USH2A: variants seen among roughly 807,000 people sequenced by gnomAD.
USH2A encodes Usher syndrome 2A (autosomal recessive, mild).
USH2A carries 443 observed loss-of-function variants against 538.9 expected under a neutral mutation model. The ratio of observed to expected loss-of-function variants is 0.82; its 90% CI spans 0.76 to 0.89. The LOEUF (loss-of-function observed/expected upper bound fraction) is 0.89. Among genes scored for constraint, USH2A ranks in the 40% least tolerant of loss-of-function variants. The pLI, the probability that USH2A is intolerant of heterozygous loss-of-function variation, is 0.00. For missense variants in USH2A, 6,633 were observed against 6,324.8 expected (o/e 1.05, Z -1.65); for synonymous variants, 2,413 against 2,273.5 (o/e 1.06, Z -1.75).
At chr1:215,706,628 C>T (rs1659192425) in intron 61 of USH2A, among the ~76,000 whole-genome samples, 1 of 152,124 alleles carries the variant, frequency 6.6e-6, no homozygotes, top group African/African-American at 2.4e-5. Context: ...TGGTGGCACA[C>T]TTAAGCAGTT....
In USH2A at chr1:215,932,557, C is replaced by T. The variant is rs114337926; in HGVS notation, c.7300+2059G>A. 9.8e-3 allele frequency among the ~76,000 whole-genome samples: 1,496 copies of T among 152,108 alleles called. 20 individuals carry two copies. Among genetic ancestry groups the T allele is most frequent in the African/African-American group, 0.035 (1,442 of 41,542 alleles). ...TAAAAAAGATAATTTTAAAGCTATA[C>T]GTTTCCTAATTGTAATCAACAACAA... On this transcript the variant is annotated intron_variant, in intron 38 of 71. Coordinates refer to ENST00000307340, the MANE Select transcript of USH2A (RefSeq NM_206933.4).
chr1:215,995,456 A>T lies in USH2A; in HGVS notation c.6658-2289T>A, dbSNP rs1337358329. 2.0e-5 allele frequency among the ~76,000 whole-genome samples: 3 copies of T among 152,198 alleles called. No homozygotes were observed. In the East Asian group the frequency reaches 5.8e-4, roughly 29 times the overall value. ...TTAGAGGGTCCTAAGTAAGCAGGAC[A>T]TTATCTTAGTTCCTTTGATGGGAAA... On this transcript the variant is annotated intron_variant, in intron 34 of 71. Coordinates refer to ENST00000307340, the MANE Select transcript of USH2A (RefSeq NM_206933.4).
chr1:215,643,820 G>A (rs780309472), intron 67 of USH2A, among the ~76,000 whole-genome samples: 5 of 152,118 alleles, frequency 3.3e-5, no homozygotes, highest in Non-Finnish European at 5.9e-5. Flanking sequence ...GTGAGCCAGT[G>A]TGCCTGGCCA....
intron 11 of USH2A, among the ~76,000 whole-genome samples, chr1:216,260,203 C>T (rs2036341903): frequency 6.6e-6 from 1 of 151,912 alleles, no homozygotes; most frequent in African/African-American, 2.4e-5. Context: ...ATACATTTTA[C>T]AAAAATTTTG....
chr1:215,675,724 C>G (rs564670348), intron 62 of USH2A, 108 bp from the exon 63 acceptor site: 11 of 1,579,436 alleles, frequency 7.0e-6, no homozygotes, highest in Non-Finnish European at 9.5e-6. Flanking sequence ...TTTGATGACC[C>G]TAATTTAGAA....
chr1:215,786,524 C>A, intron 52 of USH2A, 146 bp downstream of exon 52: 1 of 853,152 alleles, frequency 1.2e-6, no homozygotes, highest in Non-Finnish European at 1.9e-6. Context: ...CCTTTAATTA[C>A]CTTGTAACTA....
rs556700514 is a variant in USH2A at position 216,307,572 on chromosome 1, A to G, written c.1644+14311T>C. On this transcript the variant is annotated intron_variant, in intron 9 of 71. Transcript: ENST00000307340. ...ACTTCTGTGCTGTGTCTGCACTCCC[A>G]GTTCACCCTCACCCCCAGATTCTGC... 1.4e-3 allele frequency among the ~76,000 whole-genome samples: 206 copies of G among 152,244 alleles called. 2 individuals carry two copies. The highest frequency in any genetic ancestry group is 2.6e-3 in the Non-Finnish European group (177 of 68,010).
intron 3 of USH2A, among the ~76,000 whole-genome samples, chr1:216,415,902 T>C (rs555598709): frequency 1.8e-4 from 28 of 152,174 alleles, no homozygotes; most frequent in African/African-American, 6.0e-4. Flanking sequence ...CTCTGGCTCA[T>C]GCCTGTAATA....
chr1:216,246,822 A>C lies in USH2A; in HGVS notation c.2572T>G (p.Ser858Ala). 6.2e-7 allele frequency: 1 copy of C among 1,614,164 alleles called. No homozygotes were observed. The highest frequency in any genetic ancestry group is 8.5e-7 in the Non-Finnish European group (1 of 1,179,988). ...NCDKTGTINGSLLCNKSTGQC... is the reference protein window; with the variant it reads ...NCDKTGTINGALLCNKSTGQC... ...CCTGTTGATTTGTTACACAGCAGAGAGCCATTTATTGTCCCAGTCTTATCA... is the reference window on the plus strand; with the variant it reads ...CCTGTTGATTTGTTACACAGCAGAGCGCCATTTATTGTCCCAGTCTTATCA... Residue 858 changes from serine to alanine, a missense_variant, in exon 13 of 72, where the codon TCT becomes GCT. Physicochemically the swap from Ser to Ala is moderately conservative, Grantham distance 99. Transcript: ENST00000307340.
intron 49 of USH2A, 34 bp from the exon 50 acceptor site, chr1:215,799,159 A>T: frequency 1.3e-6 from 2 of 1,586,084 alleles, no homozygotes; most frequent in Non-Finnish European, 1.7e-6. Context: ...TCATTACATC[A>T]GTTAAAAAAA....
chr1:216,396,394 C>T lies in USH2A; in HGVS notation c.651+22120G>A, dbSNP rs75752909. ...TTTCCATGGGCGCTTCCACTGTAGC[C>T]GTGAGTCACCTAGAGTTTATGCTCA... On this transcript the variant is annotated intron_variant, in intron 3 of 71. Transcript: ENST00000307340. Among the ~76,000 whole-genome samples, 465 of 152,116 alleles carry T rather than the reference C, an allele frequency of 3.1e-3. 8 individuals are homozygous for T. Among genetic ancestry groups the T allele is most frequent in the African/African-American group, 0.011 (439 of 41,494 alleles).
At chr1:216,108,871 A>AT (rs1000007771) in intron 21 of USH2A, among the ~76,000 whole-genome samples, 3 of 151,696 alleles carry the variant, frequency 2.0e-5, no homozygotes, top group Admixed American at 6.6e-5. Flanking sequence ...TTTACCTTTA[A>AT]TTTTTTTTAA....
intron 36 of USH2A, among the ~76,000 whole-genome samples, chr1:215,970,231 C>A (rs1667457324): frequency 6.6e-6 from 1 of 152,054 alleles, no homozygotes; most frequent in Non-Finnish European, 1.5e-5. Context: ...AGCAGTGTTG[C>A]CATATTGTGG....
At chr1:216,008,390 CT>C (rs1340486590) in intron 32 of USH2A, among the ~76,000 whole-genome samples, 6 of 151,888 alleles carry the variant, frequency 4.0e-5, no homozygotes, top group Non-Finnish European at 7.4e-5. Flanking sequence ...CCCCCTTTGA[CT>C]GTAATTTTCC....
At position 215,888,466 on chromosome 1, in the gene USH2A, T is replaced by G. The variant is rs1020700985; in HGVS notation, c.8183A>C (p.Gln2728Pro). 2 of 1,613,656 alleles carry G rather than the reference T, an allele frequency of 1.2e-6. No individual in the cohort carries two copies. The highest frequency in any genetic ancestry group is 1.7e-6 in the Non-Finnish European group (2 of 1,180,012). The change falls in exon 41 of 72, where the codon CAG becomes CCG. Residue 2728 changes from glutamine (Q) to proline (P), a missense_variant. Coordinates refer to ENST00000307340, the MANE Select transcript of USH2A (RefSeq NM_206933.4). ...TTRPSRPAGVQPPVVTVLEPD... is the reference protein window; with the variant it reads ...TTRPSRPAGVPPPVVTVLEPD... ...TTCCAGCACTGTCACCACAGGTGGC[T>G]GCACCCCAGCAGGTCGTGAGGGTCT... is the stretch of plus-strand genomic sequence containing the variant.
At chr1:216,412,931 T>G (rs2102775759) in intron 3 of USH2A, among the ~76,000 whole-genome samples, 1 of 152,178 alleles carries the variant, frequency 6.6e-6, no homozygotes, top group East Asian at 1.9e-4. Flanking sequence ...ATATTAAACA[T>G]GTTACAAGCA....
intron 9 of USH2A, among the ~76,000 whole-genome samples, chr1:216,317,146 GAC>G (rs760344954): frequency 2.0e-4 from 30 of 152,146 alleles, no homozygotes; most frequent in Non-Finnish European, 3.7e-4. Context: ...CATTGTGGAA[GAC>G]AGTGTGGAAA....
At chr1:215,778,153 G>A (rs1447296429) in intron 55 of USH2A, among the ~76,000 whole-genome samples, 1 of 151,832 alleles carries the variant, frequency 6.6e-6, no homozygotes, top group African/African-American at 2.4e-5. Context: ...CCAGGTTGGA[G>A]TGATTCCCCT....
intron 37 of USH2A, among the ~76,000 whole-genome samples, chr1:215,963,332 A>G (rs1344925827): frequency 6.6e-6 from 1 of 152,098 alleles, no homozygotes; most frequent in Non-Finnish European, 1.5e-5. Context: ...TTAACAGTGG[A>G]CATGAGAGTT....
Sources: gnomAD v4.1 joint callset for allele counts (sites outside exome capture counted in the v4.1 genomes callset) on GRCh38, gnomAD v4.1.1 for gene constraint, MANE v1.5 for transcripts, NCBI Gene and HGNC (gene_info 2026-07-23, HGNC 2026-07-21) for gene names.